Variants in TARS3 observed in about 807,000 individuals in gnomAD.
TARS3 encodes the protein threonyl-tRNA synthetase 3, also known as threonine--tRNA ligase 2, cytoplasmic.
In TARS3, 94 loss-of-function variants were observed where a neutral mutation model predicts 103.5. The observed-to-expected ratio is 0.91, with a 90% CI of 0.77 to 1.08. The LOEUF is 1.08. TARS3 is among the 50% of genes least tolerant of loss of function. The probability of loss-of-function intolerance (pLI) is 0.00; values close to 1 mark genes in which losing one functional copy is unlikely to be tolerated. For missense variants in TARS3, 952 were observed against 995.2 expected (o/e 0.96, Z 0.58); for synonymous variants, 416 against 355.4 (o/e 1.17, Z -1.92).
rs766118051 is a variant in TARS3 at position 101,675,700 on chromosome 15, T to G, written c.1688A>C (p.Gln563Pro). Residue 563 changes from glutamine to proline, a missense_variant, in exon 13 of 19, where the codon CAA (glutamine) becomes CCA (proline). This residue lies in a region of TARS3 where 540 missense variants were observed against 631.0 expected (regional missense o/e 0.86). Coordinates refer to ENST00000335968, the MANE Select transcript of TARS3 (RefSeq NM_152334.3). Reference sequence around the variant, plus strand: ...GAAGCCAAATGTTGAGTAAACAGATTGCAAAAACTGCAAACACCCCTTTAT... The same window carrying G: ...GAAGCCAAATGTTGAGTAAACAGATGGCAAAAACTGCAAACACCCCTTTAT... ...EEIKGCLQFL[Q>P]SVYSTFGFSF... The G allele has an allele frequency of 6.8e-6, 11 of 1,613,720 alleles. No homozygotes were observed. The highest frequency in any genetic ancestry group is 8.5e-6 in the Non-Finnish European group (10 of 1,179,910).
At chr15:101,679,051 A>G (rs954621214) in intron 12 of TARS3, among the ~76,000 whole-genome samples, 1 of 151,904 alleles carries the variant, frequency 6.6e-6, no homozygotes, top group Non-Finnish European at 1.5e-5. Context: ...GGTAATGCAT[A>G]ATTTCTCTCT....
chr15:101,686,079 T>C lies in TARS3; in HGVS notation c.1321-17A>G. On this transcript the variant is annotated splice_polypyrimidine_tract_variant and intron_variant, in intron 10 of 18. Coordinates refer to ENST00000335968, the MANE Select transcript of TARS3 (RefSeq NM_152334.3). ...ATATTCCTCCTTCAAGATACATGCA[T>C]TCAACATTAAAATCTGCTAGGGCAG... is the stretch of plus-strand genomic sequence containing the variant. The C allele has an allele frequency of 6.3e-7, 1 of 1,587,012 alleles. No homozygotes were observed. The highest frequency in any genetic ancestry group is 1.1e-5 in the South Asian group (1 of 87,750).
chr15:101,692,258 T>A (rs1898761790), intron 10 of TARS3, among the ~76,000 whole-genome samples: 1 of 152,100 alleles, frequency 6.6e-6, no homozygotes, highest in South Asian at 2.1e-4. Context: ...TTGTGTGGCC[T>A]CTCCTCCACG....
At chr15:101,673,241 A>C (rs1289941553) in intron 13 of TARS3, among the ~76,000 whole-genome samples, 1 of 152,156 alleles carries the variant, frequency 6.6e-6, no homozygotes, top group African/African-American at 2.4e-5. Flanking sequence ...ACCCCCATTA[A>C]TTAAGAAAGG....
At chr15:101,712,048 T>C in intron 4 of TARS3, 47 bp from the exon 5 acceptor site, 2 of 1,568,682 alleles carry the variant, frequency 1.3e-6, no homozygotes, top group South Asian at 1.2e-5. Context: ...AAGTATGTCA[T>C]GGAAAATTAG....
In TARS3 at chr15:101,664,654, G is replaced by T. The variant is rs1031614381; in HGVS notation, c.1968-2838C>A. Among the ~76,000 whole-genome samples, 4 of 152,234 alleles carry T rather than the reference G, an allele frequency of 2.6e-5. No homozygotes were observed. In the South Asian group the frequency reaches 8.3e-4, roughly 32 times the overall value. ...GATTCACTGCCAAAACAAGACAACC[G>T]CCTTAGGATTTAAACAAGACACAGC... On this transcript the variant is annotated intron_variant, in intron 15 of 18. Transcript: ENST00000335968.
At chr15:101,666,258 C>A (rs569499341) in intron 15 of TARS3, among the ~76,000 whole-genome samples, 1 of 151,780 alleles carries the variant, frequency 6.6e-6, no homozygotes. Flanking sequence ...CTGAGGTGGG[C>A]GGAGGTAAGG....
chr15:101,718,500 T>G (rs1900278978), intron 3 of TARS3, among the ~76,000 whole-genome samples: 1 of 152,090 alleles, frequency 6.6e-6, no homozygotes, highest in Non-Finnish European at 1.5e-5. Context: ...TTCAACTGAC[T>G]AAAAGTTCAG....
intron 5 of TARS3, among the ~76,000 whole-genome samples, chr15:101,711,168 CTTAA>C (rs1899848384): frequency 6.6e-6 from 1 of 152,118 alleles, no homozygotes; most frequent in Non-Finnish European, 1.5e-5. Flanking sequence ...CAATTCTGGT[CTTAA>C]TTAATACCAT....
rs75324626 is a variant in TARS3 at position 101,688,360 on chromosome 15, G to C, written c.1321-2298C>G. 4.8e-3 allele frequency among the ~76,000 whole-genome samples: 724 copies of C among 152,174 alleles called. 41 individuals are homozygous for C. The East Asian group carries it at 0.13, about 27-fold the overall frequency. On this transcript the variant is annotated intron_variant, in intron 10 of 18. Coordinates refer to ENST00000335968, the MANE Select transcript of TARS3 (RefSeq NM_152334.3). ...GCCATTAATTTCTTTCTCTAATGCT[G>C]GGAAAGAGTAAACTCTCAGTGACTG...
chr15:101,705,555 G>A, intron 7 of TARS3, 128 bp downstream of exon 7: 1 of 726,332 alleles, frequency 1.4e-6, no homozygotes, highest in Non-Finnish European at 2.4e-6. Context: ...TTTGAAGATT[G>A]TAACTACGGT....
At chr15:101,688,277 C>G (rs1898560467) in intron 10 of TARS3, among the ~76,000 whole-genome samples, 1 of 151,990 alleles carries the variant, frequency 6.6e-6, no homozygotes, top group Non-Finnish European at 1.5e-5. Flanking sequence ...TTTAGTTTTT[C>G]TCTAGATTTG....
At chr15:101,655,946 T>G in intron 18 of TARS3, 5 of 1,289,234 alleles carry the variant, frequency 3.9e-6, no homozygotes, top group Non-Finnish European at 5.1e-6. Flanking sequence ...GTTTGTTCTC[T>G]CTAGTGACCC....
chr15:101,693,700 A>G (rs1445191573), intron 10 of TARS3, among the ~76,000 whole-genome samples: 1 of 152,226 alleles, frequency 6.6e-6, no homozygotes, highest in African/African-American at 2.4e-5. Context: ...TGTTCATATG[A>G]TGGAATACTG....
At chr15:101,698,013 C>T (rs2141424146) in intron 10 of TARS3, among the ~76,000 whole-genome samples, 1 of 152,310 alleles carries the variant, frequency 6.6e-6, no homozygotes, top group South Asian at 2.1e-4. Context: ...ATTCCCCCAG[C>T]CTTCTACAGG....
chr15:101,667,087 G>A (rs1897608686), intron 15 of TARS3, among the ~76,000 whole-genome samples: 1 of 152,134 alleles, frequency 6.6e-6, no homozygotes, highest in East Asian at 1.9e-4. Flanking sequence ...GGATGACCAG[G>A]TGCATTGTCA....
intron 15 of TARS3, among the ~76,000 whole-genome samples, chr15:101,667,723 ACCAC>A (rs1897637409): frequency 4.6e-5 from 7 of 152,032 alleles, no homozygotes; most frequent in Admixed American, 4.6e-4. Context: ...GGCACCCACC[ACCAC>A]GCCCAGCTAA....
At chr15:101,700,737 G>A (rs1899227645) in intron 10 of TARS3, among the ~76,000 whole-genome samples, 2 of 151,540 alleles carry the variant, frequency 1.3e-5, no homozygotes, top group South Asian at 2.1e-4. Flanking sequence ...TCTGCCTCCC[G>A]GGTTCAAGCA....
chr15:101,704,055 C>A, intron 7 of TARS3, 118 bp from the exon 8 acceptor site: 1 of 643,876 alleles, frequency 1.6e-6, no homozygotes, highest in South Asian at 2.8e-5. Context: ...GTAGCAATGC[C>A]ATTTTTAATT....
Sources: allele counts gnomAD v4.1 joint callset (sites outside exome capture counted in the v4.1 genomes callset), GRCh38; gene constraint gnomAD v4.1.1; regional missense constraint gnomAD v4.1.1; transcripts MANE v1.5; gene names NCBI Gene and HGNC (gene_info 2026-07-23, HGNC 2026-07-21).